Variants in SLC25A21 observed in about 807,000 individuals in gnomAD.
SLC25A21 encodes mitochondrial 2-oxodicarboxylate carrier.
Under a neutral mutation model 43.8 loss-of-function variants are expected in SLC25A21, and 47 were observed. The ratio of observed to expected loss-of-function variants is 1.07; its 90% CI spans 0.85 to 1.37. The LOEUF (loss-of-function observed/expected upper bound fraction) is 1.37, where lower values mean the gene tolerates loss of function less well. Ranked by LOEUF, SLC25A21 falls within the 40% of genes most tolerant of loss-of-function variation. The probability of loss-of-function intolerance (pLI) is 0.00; values close to 1 mark genes in which losing one functional copy is unlikely to be tolerated. For synonymous variants in SLC25A21, 131 were observed against 121.3 expected (o/e 1.08, Z -0.52); for missense variants, 352 against 350.2 (o/e 1.00, Z -0.04).
chr14:36,974,182 A>G (rs959813769), intron 1 of SLC25A21, among the ~76,000 whole-genome samples: 1 of 152,246 alleles, frequency 6.6e-6, no homozygotes, highest in Non-Finnish European at 1.5e-5. Flanking sequence ...ACTAATCACC[A>G]GTATTTAAAG....
intron 7 of SLC25A21, among the ~76,000 whole-genome samples, chr14:36,685,306 G>A (rs553320146): frequency 6.6e-6 from 1 of 152,326 alleles, no homozygotes; most frequent in South Asian, 2.1e-4. Context: ...TTTTACAAAT[G>A]ACAGCAACTT....
chr14:36,680,661 C>T lies in SLC25A21; in HGVS notation c.897G>A (p.Trp299Ter), dbSNP rs17104991. The T allele has an allele frequency of 1.2e-6, 2 of 1,612,414 alleles. No individual in the cohort carries two copies. The highest frequency in any genetic ancestry group is 1.7e-6 in the Non-Finnish European group (2 of 1,179,240). ...GGGAAAAACACTTCATAGGCAATCA[C>T]CAGTTCTCTTGAAGCCATGAATAGG... ...EYTYSWLQENW is the reference protein window; with the variant it reads ...EYTYSWLQEN The change falls in exon 10 of 10, where the codon TGG (tryptophan) becomes TGA (stop). Residue 299 changes from tryptophan to a stop codon, truncating the protein, a stop_gained. Coordinates refer to ENST00000331299, the MANE Select transcript of SLC25A21 (RefSeq NM_030631.4). LOFTEE classifies it high-confidence loss of function.
At chr14:36,695,518 C>G (rs532457684) in intron 7 of SLC25A21, among the ~76,000 whole-genome samples, 2 of 152,144 alleles carry the variant, frequency 1.3e-5, no homozygotes, top group Non-Finnish European at 2.9e-5. Context: ...GCCATTTTCA[C>G]GATATTGATT....
chr14:36,974,029 A>G (rs1346766973), intron 1 of SLC25A21, among the ~76,000 whole-genome samples: 1 of 152,226 alleles, frequency 6.6e-6, no homozygotes, highest in African/African-American at 2.4e-5. Flanking sequence ...TGAGAGGGAA[A>G]AAAAAGAGCA....
chr14:36,779,609 CATATAT>C (rs35392668), intron 3 of SLC25A21, among the ~76,000 whole-genome samples: 20,261 of 122,258 alleles, frequency 0.17, 1,815 homozygotes, highest in East Asian at 0.26. Flanking sequence ...TATGTGTATA[CATATAT>C]ATATATATAT....
chr14:36,829,833 A>C (rs552880709), intron 2 of SLC25A21, among the ~76,000 whole-genome samples: 1 of 152,290 alleles, frequency 6.6e-6, no homozygotes, highest in Non-Finnish European at 1.5e-5. Context: ...ACTTCAAAAC[A>C]AGTGGTGTGC....
intron 1 of SLC25A21, among the ~76,000 whole-genome samples, chr14:36,919,887 G>A (rs976776363): frequency 6.6e-6 from 1 of 151,994 alleles, no homozygotes; most frequent in African/African-American, 2.4e-5. Flanking sequence ...TGAAAGTAAA[G>A]ATCTTGCCAA....
At chr14:36,848,422 C>G (rs993580594) in intron 2 of SLC25A21, among the ~76,000 whole-genome samples, 1 of 152,258 alleles carries the variant, frequency 6.6e-6, no homozygotes, top group East Asian at 1.9e-4. Flanking sequence ...CCAAATTATG[C>G]AACTTTGGAG....
At chr14:36,907,989 C>T (rs1891580432) in intron 1 of SLC25A21, among the ~76,000 whole-genome samples, 1 of 152,108 alleles carries the variant, frequency 6.6e-6, no homozygotes, top group Non-Finnish European at 1.5e-5. Flanking sequence ...AAAAGCTTTA[C>T]AGTTTAATTC....
chr14:37,150,369 C>T (rs537052811), intron 1 of SLC25A21, among the ~76,000 whole-genome samples: 7 of 152,282 alleles, frequency 4.6e-5, no homozygotes, highest in Admixed American at 3.3e-4. Flanking sequence ...CAAGAACCAA[C>T]ATAAAGAAAA....
chr14:37,055,240 G>C (rs1961794738), intron 1 of SLC25A21, among the ~76,000 whole-genome samples: 2 of 152,204 alleles, frequency 1.3e-5, no homozygotes, highest in South Asian at 4.1e-4. Flanking sequence ...TCTGCATCTA[G>C]AATTGATTTA....
In SLC25A21 at chr14:36,874,998, A is replaced by G; in HGVS notation, c.77T>C (p.Val26Ala). 2.5e-6 allele frequency: 4 copies of G among 1,592,036 alleles called. No individual in the cohort carries two copies. The highest frequency in any genetic ancestry group is 2.6e-6 in the Non-Finnish European group (3 of 1,172,246). Residue 26 changes from valine to alanine, a missense_variant, in exon 2 of 10, where the codon GTA (valine) becomes GCA (alanine). Physicochemically the swap from Val to Ala is moderately conservative, Grantham distance 64. Transcript: ENST00000331299. ...QIVAGGSAGL[V>A]EICLMHPLDV... ...TAGGGGGTGCATCAGGCAAATTTCT[A>G]CAAGACCTGAAAGATGATAAAGAAA...
intron 2 of SLC25A21, among the ~76,000 whole-genome samples, chr14:36,822,579 A>G (rs1240149281): frequency 2.6e-5 from 4 of 152,202 alleles, no homozygotes; most frequent in African/African-American, 9.6e-5. Context: ...AAAATATGTA[A>G]CCTGGAGTGC....
Position 36,919,618 on chromosome 14 carries a change from T to TCTAC in SLC25A21, c.71-44618_71-44615dup, listed in dbSNP as rs140168106. ...GACTTGAAAAATTCAAGATTATCTATCTACCTATCTATCTATCTATCTATC... is the reference window on the plus strand; with the variant it reads ...GACTTGAAAAATTCAAGATTATCTATCTACCTACCTATCTATCTATCTATCTATC... On this transcript the variant is annotated intron_variant, in intron 1 of 9. Transcript: ENST00000331299. Among the ~76,000 whole-genome samples, 5 of 91,178 alleles carry TCTAC rather than the reference T, an allele frequency of 5.5e-5. No homozygotes were observed. In the South Asian group the frequency reaches 1.0e-3, roughly 19 times the overall value. 59.8% of individuals were successfully genotyped at this position (91,178 alleles called of 152,430 possible).
At chr14:37,010,691 A>G (rs1960711561) in intron 1 of SLC25A21, among the ~76,000 whole-genome samples, 7 of 151,852 alleles carry the variant, frequency 4.6e-5, no homozygotes, top group Admixed American at 4.6e-4. Flanking sequence ...AAATGTTTAA[A>G]TGTATATTTA....
chr14:37,106,370 TG>T lies in SLC25A21; in HGVS notation c.70+65910del, dbSNP rs538838907. 6.3e-3 allele frequency among the ~76,000 whole-genome samples: 953 copies of T among 152,112 alleles called. 8 individuals carry two copies. Among genetic ancestry groups the T allele is most frequent in the African/African-American group, 0.02 (820 of 41,494 alleles). On this transcript the variant is annotated intron_variant, in intron 1 of 9. Transcript: ENST00000331299. ...ATACCCTGGGAAAGGAATGCATTCCTGGGGGGAGGTCTATAAACGGCTGCTC... is the reference window on the plus strand; with the variant it reads ...ATACCCTGGGAAAGGAATGCATTCCTGGGGGAGGTCTATAAACGGCTGCTC...
In SLC25A21 at chr14:36,678,726, G is replaced by T; in HGVS notation, c.*1932C>A. On this transcript the variant is annotated 3_prime_UTR_variant, in exon 10 of 10. Transcript: ENST00000331299. ...CTTTATCTAAATTAAGAAATCTCTT[G>T]TTATTGTGCTATTTATAATTTTTTT... 8.4e-7 allele frequency: 1 copy of T among 1,188,162 alleles called. No individual in the cohort carries two copies. Among genetic ancestry groups the T allele is most frequent in the Non-Finnish European group, 1.0e-6 (1 of 955,194 alleles). 73.6% of individuals were successfully genotyped at this position (1,188,162 alleles called of 1,614,324 possible).
At chr14:37,081,850 A>G (rs556984331) in intron 1 of SLC25A21, among the ~76,000 whole-genome samples, 130 of 152,362 alleles carry the variant, frequency 8.5e-4, no homozygotes, top group African/African-American at 7.0e-4. Flanking sequence ...GTTATATTCA[A>G]TTACCACACC....
Position 37,056,332 on chromosome 14 carries a change from T to C in SLC25A21, c.70+115949A>G, listed in dbSNP as rs542807895. Reference sequence around the variant, plus strand: ...AGTGAAACCCCGTCTCTACTAAAAATACAAAAAATTAGCCAGGCGAGGTGG... The same window carrying C: ...AGTGAAACCCCGTCTCTACTAAAAACACAAAAAATTAGCCAGGCGAGGTGG... On this transcript the variant is annotated intron_variant, in intron 1 of 9. Transcript: ENST00000331299. 5.9e-5 allele frequency among the ~76,000 whole-genome samples: 9 copies of C among 151,720 alleles called. No homozygotes were observed. The East Asian group carries it at 1.8e-3, about 30-fold the overall frequency.
Sources: allele counts gnomAD v4.1 joint callset (sites outside exome capture counted in the v4.1 genomes callset), GRCh38; gene constraint gnomAD v4.1.1; transcripts MANE v1.5; gene names NCBI Gene and HGNC (gene_info 2026-07-23, HGNC 2026-07-21).